Variants in TULP3 observed in about 807,000 individuals in gnomAD.
TULP3 encodes tubby-related protein 3.
In TULP3, 38 loss-of-function variants were observed where a neutral mutation model predicts 50.7. That is an observed-to-expected ratio of 0.75 (90% CI 0.58 to 0.98). The LOEUF (loss-of-function observed/expected upper bound fraction) is 0.98, where lower values mean the gene tolerates loss of function less well. Among genes scored for constraint, TULP3 ranks in the 50% least tolerant of loss-of-function variants. The probability of loss-of-function intolerance (pLI) is 0.00; values close to 1 mark genes in which losing one functional copy is unlikely to be tolerated. For synonymous variants in TULP3, 183 were observed against 196.6 expected (o/e 0.93, Z 0.58); for missense variants, 550 against 568.0 (o/e 0.97, Z 0.32).
At chr12:2,906,310 G>A (rs1049403238) in intron 1 of TULP3, among the ~76,000 whole-genome samples, 2 of 151,514 alleles carry the variant, frequency 1.3e-5, no homozygotes, top group Non-Finnish European at 2.9e-5. Flanking sequence ...GAATACAGGC[G>A]TGAGCCACTG....
At chr12:2,893,014 G>A (rs1011825055) in intron 1 of TULP3, among the ~76,000 whole-genome samples, 2 of 151,808 alleles carry the variant, frequency 1.3e-5, no homozygotes, top group Admixed American at 6.6e-5. Flanking sequence ...CCACAGGTGC[G>A]TGGCACCACC....
At chr12:2,914,175 A>G (rs1301637746) in intron 2 of TULP3, among the ~76,000 whole-genome samples, 1 of 134,438 alleles carries the variant, frequency 7.4e-6, no homozygotes. Flanking sequence ...CCCAGGCTGG[A>G]GTACAATGGC....
chr12:2,934,357 C>A (rs1442674799), intron 7 of TULP3, 90 bp from the exon 8 acceptor site: 2 of 755,098 alleles, frequency 2.6e-6, no homozygotes, highest in South Asian at 3.1e-5. Context: ...GGAAAACAGG[C>A]AAATAGGCTT....
At chr12:2,899,817 C>T (rs935686664) in intron 1 of TULP3, among the ~76,000 whole-genome samples, 14 of 146,314 alleles carry the variant, frequency 9.6e-5, no homozygotes, top group African/African-American at 3.3e-4. Context: ...GGCATGAACC[C>T]AGGAGGCGGA....
intron 4 of TULP3, among the ~76,000 whole-genome samples, chr12:2,925,161 C>T: frequency 6.6e-6 from 1 of 151,832 alleles, no homozygotes. Flanking sequence ...GAGCAAGACT[C>T]CGTCCGTCTC....
intron 1 of TULP3, among the ~76,000 whole-genome samples, chr12:2,904,970 A>T (rs1295624712): frequency 4.6e-5 from 7 of 151,518 alleles, no homozygotes; most frequent in African/African-American, 1.5e-4. Flanking sequence ...CTGTTATCCC[A>T]GCTGCTTGGG....
At chr12:2,903,541 A>G (rs1173926493) in intron 1 of TULP3, among the ~76,000 whole-genome samples, 7 of 148,950 alleles carry the variant, frequency 4.7e-5, no homozygotes, top group African/African-American at 1.7e-4. Flanking sequence ...CAGCCTGGGC[A>G]ACAAGCGCGA....
chr12:2,912,855 C>T lies in TULP3; in HGVS notation c.93+3275C>T, dbSNP rs74607093. Among the ~76,000 whole-genome samples, 530 of 152,252 alleles carry T rather than the reference C, an allele frequency of 3.5e-3. 18 individuals carry two copies. In the East Asian group the frequency reaches 0.071, roughly 20 times the overall value. ...AAATATGATAGTAGGATTAATTCAC[C>T]TCTTCTGAAGGGATATACCTACCCA... On this transcript the variant is annotated intron_variant, in intron 2 of 10. Transcript: ENST00000448120.
chr12:2,891,021 G>A, intron 1 of TULP3, 33 bp downstream of exon 1: 1 of 1,546,584 alleles, frequency 6.5e-7, no homozygotes, highest in Non-Finnish European at 8.7e-7. Context: ...CTCCTCCTGA[G>A]CGAGGCGGAG....
intron 1 of TULP3, among the ~76,000 whole-genome samples, chr12:2,901,081 C>T (rs755955679): frequency 3.3e-5 from 5 of 151,754 alleles, no homozygotes; most frequent in African/African-American, 9.7e-5. Flanking sequence ...ATTACCCATT[C>T]GGAAAAGTTC....
intron 10 of TULP3, among the ~76,000 whole-genome samples, chr12:2,938,755 C>T (rs1167864278): frequency 6.6e-6 from 1 of 151,726 alleles, no homozygotes; most frequent in Non-Finnish European, 1.5e-5. Context: ...TGCTCTCCAG[C>T]CTGGGTGACA....
At chr12:2,901,672 C>T (rs968748338) in intron 1 of TULP3, among the ~76,000 whole-genome samples, 4 of 152,008 alleles carry the variant, frequency 2.6e-5, no homozygotes, top group Non-Finnish European at 5.9e-5. Context: ...TGTGAGCTAC[C>T]GTGCCTGGCT....
rs1591536971 is a variant in TULP3 at position 2,931,298 on chromosome 12, G to A, written c.696+58G>A. 3 of 1,549,270 alleles carry A rather than the reference G, an allele frequency of 1.9e-6. No individual in the cohort carries two copies. The East Asian group carries it at 6.8e-5, about 35-fold the overall frequency. ...GAGAGAGAAGAATGTTGTGGGAATA[G>A]ATTGTTGATGGGCCTTAGGGAACTA... On this transcript the variant is annotated intron_variant, in intron 6 of 10. Coordinates refer to ENST00000448120, the MANE Select transcript of TULP3 (RefSeq NM_003324.5).
At chr12:2,897,315 A>AT (rs1331193951) in intron 1 of TULP3, among the ~76,000 whole-genome samples, 2 of 151,832 alleles carry the variant, frequency 1.3e-5, no homozygotes, top group South Asian at 4.1e-4. Context: ...CAGCCTAAAG[A>AT]TTTTTTTAAT....
At chr12:2,899,656 G>A (rs902803947) in intron 1 of TULP3, among the ~76,000 whole-genome samples, 24 of 152,182 alleles carry the variant, frequency 1.6e-4, no homozygotes, top group African/African-American at 5.3e-4. Context: ...CACTTTGGGA[G>A]GCCAAGGTGG....
Position 2,926,878 on chromosome 12 carries a change from G to T in TULP3, c.395-3370G>T, listed in dbSNP as rs533686620. Among the ~76,000 whole-genome samples the T allele has an allele frequency of 3.3e-5, 5 of 152,334 alleles. No homozygotes were observed. The South Asian group carries it at 1.0e-3, about 32-fold the overall frequency. On this transcript the variant is annotated intron_variant, in intron 4 of 10. Coordinates refer to ENST00000448120, the MANE Select transcript of TULP3 (RefSeq NM_003324.5). ...ACAGACATCGCGCCATTGCACTCCA[G>T]TCTGGGCTACAAGAGCTAGACTCTG...
chr12:2,908,509 T>C (rs1312355705), intron 1 of TULP3, among the ~76,000 whole-genome samples: 1 of 152,134 alleles, frequency 6.6e-6, no homozygotes, highest in Non-Finnish European at 1.5e-5. Context: ...CTTGCTCTTC[T>C]CCACCTCCCC....
chr12:2,894,661 G>A (rs899511903), intron 1 of TULP3, among the ~76,000 whole-genome samples: 1 of 151,922 alleles, frequency 6.6e-6, no homozygotes, highest in African/African-American at 2.4e-5. Flanking sequence ...TTTGGGAGGC[G>A]GAGGTGGGCA....
chr12:2,898,459 CT>C (rs1159762726), intron 1 of TULP3, among the ~76,000 whole-genome samples: 1 of 152,140 alleles, frequency 6.6e-6, no homozygotes, highest in African/African-American at 2.4e-5. Context: ...ACCATCACCC[CT>C]GGCCAGTAGT....
Sources: gnomAD v4.1 joint callset for allele counts (sites outside exome capture counted in the v4.1 genomes callset) on GRCh38, gnomAD v4.1.1 for gene constraint, MANE v1.5 for transcripts, NCBI Gene and HGNC (gene_info 2026-07-23, HGNC 2026-07-21) for gene names.